Variants in RORB observed in about 807,000 individuals in gnomAD.
RORB encodes RAR related orphan receptor B.
Under a neutral mutation model 59.1 loss-of-function variants are expected in RORB, and 6 were observed. That is an observed-to-expected ratio of 0.10 (90% CI 0.06 to 0.20). The LOEUF (loss-of-function observed/expected upper bound fraction) is 0.20, where lower values mean the gene tolerates loss of function less well. RORB is among the 10% of genes least tolerant of loss of function. The pLI, the probability that RORB is intolerant of heterozygous loss-of-function variation, is 1.00. For missense variants in RORB, 320 were observed against 560.5 expected, an observed-to-expected ratio of 0.57 and a Z score of 4.33; for synonymous variants, 215 against 204.5, an observed-to-expected ratio of 1.05 and a Z score of -0.44.
intron 1 of RORB, among the ~76,000 whole-genome samples, chr9:74,548,481 C>T (rs988913475): frequency 3.3e-5 from 5 of 152,176 alleles, no homozygotes; most frequent in African/African-American, 2.4e-5. Flanking sequence ...TTCTTTATCC[C>T]ATGGAATTCA....
intron 1 of RORB, among the ~76,000 whole-genome samples, chr9:74,572,499 T>G (rs1438648451): frequency 6.6e-6 from 1 of 152,098 alleles, no homozygotes; most frequent in Admixed American, 6.6e-5. Flanking sequence ...CCCACCATGA[T>G]AGCTGGTTAT....
intron 8 of RORB, 125 bp downstream of exon 8, chr9:74,668,026 G>A: frequency 1.6e-6 from 1 of 629,796 alleles, no homozygotes. Flanking sequence ...TCTTTACCAA[G>A]TTTTTGATAT....
chr9:74,677,336 T>C (rs1563972291), intron 9 of RORB, among the ~76,000 whole-genome samples: 1 of 152,232 alleles, frequency 6.6e-6, no homozygotes, highest in East Asian at 1.9e-4. Flanking sequence ...AACATTCTCC[T>C]TCTTAAGGCT....
Position 74,617,087 on chromosome 9 carries a change from G to A in RORB, c.8-13195G>A, listed in dbSNP as rs1235511792. ...TTCTCGTCTAATATTCCCACCACCC[G>A]CTCCCCCCGCAAAAAAACTCTGCCT... On this transcript the variant is annotated intron_variant, in intron 1 of 9. Transcript: ENST00000376896. 1.5e-4 allele frequency among the ~76,000 whole-genome samples: 7 copies of A among 46,982 alleles called. No homozygotes were observed. The South Asian group carries it at 6.3e-3, about 43-fold the overall frequency. 30.8% of individuals were successfully genotyped at this position (46,982 alleles called of 152,430 possible). A position where few individuals can be genotyped will look rare whatever the true frequency, so the allele number is the denominator to read the frequency against.
intron 1 of RORB, among the ~76,000 whole-genome samples, chr9:74,555,232 T>A (rs1563936263): frequency 6.6e-6 from 1 of 152,206 alleles, no homozygotes; most frequent in Non-Finnish European, 1.5e-5. Flanking sequence ...GGGCACTGTG[T>A]TGCCCTCGAC....
chr9:74,615,614 G>C (rs1238322518), intron 1 of RORB: 1 of 454,564 alleles, frequency 2.2e-6, no homozygotes, highest in African/African-American at 2.0e-5. Flanking sequence ...GTGAGAACCA[G>C]CTCAAAACTA....
chr9:74,624,379 C>T (rs1211147308), intron 1 of RORB, among the ~76,000 whole-genome samples: 3 of 152,142 alleles, frequency 2.0e-5, no homozygotes, highest in African/African-American at 7.2e-5. Flanking sequence ...AGACAGGAAG[C>T]TGATGTTGAG....
intron 9 of RORB, among the ~76,000 whole-genome samples, chr9:74,677,078 C>G (rs536128440): frequency 6.6e-6 from 1 of 152,196 alleles, no homozygotes; most frequent in African/African-American, 2.4e-5. Flanking sequence ...TAGGCATTTC[C>G]CCGGATCCCC....
chr9:74,624,691 G>A (rs1428489651), intron 1 of RORB, among the ~76,000 whole-genome samples: 2 of 152,204 alleles, frequency 1.3e-5, no homozygotes, highest in Admixed American at 6.5e-5. Context: ...GTCTGCCAGT[G>A]AGAGAGGGAA....
intron 4 of RORB, among the ~76,000 whole-genome samples, chr9:74,645,707 T>G (rs1329434928): frequency 6.6e-6 from 1 of 152,196 alleles, no homozygotes; most frequent in East Asian, 1.9e-4. Flanking sequence ...TAAATTCTCA[T>G]AACAATCCCA....
At chr9:74,683,225 C>T (rs1372497102) in intron 9 of RORB, among the ~76,000 whole-genome samples, 1 of 152,232 alleles carries the variant, frequency 6.6e-6, no homozygotes, top group Admixed American at 6.5e-5. Flanking sequence ...CTGCATTCAA[C>T]AGCTATTTCA....
intron 1 of RORB, among the ~76,000 whole-genome samples, chr9:74,614,294 G>A (rs1823275871): frequency 6.6e-6 from 1 of 152,118 alleles, no homozygotes; most frequent in Admixed American, 6.5e-5. Flanking sequence ...CTAACACAAA[G>A]AGATTAAAAT....
At chr9:74,547,507 C>A (rs955477295) in intron 1 of RORB, among the ~76,000 whole-genome samples, 3 of 152,068 alleles carry the variant, frequency 2.0e-5, no homozygotes, top group African/African-American at 7.2e-5. Context: ...TAATAGTAAA[C>A]CCAAGAGGCT....
At chr9:74,573,867 A>C (rs1470517794) in intron 1 of RORB, among the ~76,000 whole-genome samples, 1 of 152,124 alleles carries the variant, frequency 6.6e-6, no homozygotes, top group Non-Finnish European at 1.5e-5. Context: ...ATCGAAAGAA[A>C]CAGCAACTGT....
chr9:74,511,314 C>A (rs970717583), intron 1 of RORB, among the ~76,000 whole-genome samples: 2 of 151,888 alleles, frequency 1.3e-5, no homozygotes, highest in Non-Finnish European at 2.9e-5. Context: ...AAGTAAAATG[C>A]AAAATTGTAT....
At chr9:74,652,002 T>G (rs1417117621) in intron 4 of RORB, among the ~76,000 whole-genome samples, 5 of 152,344 alleles carry the variant, frequency 3.3e-5, no homozygotes, top group Non-Finnish European at 7.4e-5. Flanking sequence ...AGCACCCTCT[T>G]AGATAGTTAA....
Position 74,691,867 on chromosome 9 carries a change from A to G in RORB, c.*6249A>G, listed in dbSNP as rs1824745482. 1 of 152,172 alleles carries G rather than the reference A, an allele frequency of 6.6e-6. No homozygotes were observed. The highest frequency in any genetic ancestry group is 1.5e-5 in the Non-Finnish European group (1 of 68,036). 9.4% of individuals were successfully genotyped at this position (152,172 alleles called of 1,614,324 possible). ...GACTGAGAAAGGGACAGGGCTGTCAATTAAATCTGCTCCAAAGAATTTGTA... is the reference window on the plus strand; with the variant it reads ...GACTGAGAAAGGGACAGGGCTGTCAGTTAAATCTGCTCCAAAGAATTTGTA... On this transcript the variant is annotated 3_prime_UTR_variant, in exon 10 of 10. Coordinates refer to ENST00000376896, the MANE Select transcript of RORB (RefSeq NM_006914.4).
chr9:74,522,174 T>C (rs190817834), intron 1 of RORB, among the ~76,000 whole-genome samples: 49 of 151,886 alleles, frequency 3.2e-4, no homozygotes, highest in African/African-American at 1.2e-3. Flanking sequence ...CTTAGTAAAA[T>C]TACTGTATTT....
chr9:74,602,024 C>T (rs1201341323), intron 1 of RORB, among the ~76,000 whole-genome samples: 1 of 152,198 alleles, frequency 6.6e-6, no homozygotes, highest in African/African-American at 2.4e-5. Flanking sequence ...ACCGACACTT[C>T]CTGCCCTCCA....
Sources: gnomAD v4.1 joint callset for allele counts (sites outside exome capture counted in the v4.1 genomes callset) on GRCh38, gnomAD v4.1.1 for gene constraint, MANE v1.5 for transcripts, NCBI Gene and HGNC (gene_info 2026-07-23, HGNC 2026-07-21) for gene names.